The following LRP5 variants were observed in gnomAD, a reference collection of about 807,000 sequenced individuals.
LRP5 encodes the protein low-density lipoprotein receptor-related protein 5.
A neutral mutation model predicts 154.1 loss-of-function variants in LRP5; 62 were observed. That is an observed-to-expected ratio of 0.40 (90% CI 0.33 to 0.50). The LOEUF (loss-of-function observed/expected upper bound fraction) is 0.50, where lower values mean the gene tolerates loss of function less well. Among genes scored for constraint, LRP5 ranks in the 20% least tolerant of loss-of-function variants. The pLI is 0.55. For synonymous variants in LRP5, 966 were observed against 1,011.5 expected, an observed-to-expected ratio of 0.96 and a Z score of 0.85; for missense variants, 1,915 against 2,336.7, an observed-to-expected ratio of 0.82 and a Z score of 3.72.
In LRP5 at chr11:68,444,443, G is replaced by A. The variant is rs575971779; in HGVS notation, c.4489-1993G>A. Among the ~76,000 whole-genome samples the A allele has an allele frequency of 2.4e-4, 36 of 152,226 alleles. No individual in the cohort carries two copies. The South Asian group carries it at 6.8e-3, about 29-fold the overall frequency. On this transcript the variant is annotated intron_variant, in intron 21 of 22. Transcript: ENST00000294304. ...GAGGCTGGAGAATCACTTGAACCTG[G>A]GAGGCAGAGGTTGTAGTGAGCCGAG...
chr11:68,369,599 C>G (rs1371392855), intron 5 of LRP5, among the ~76,000 whole-genome samples: 2 of 152,048 alleles, frequency 1.3e-5, no homozygotes, highest in Non-Finnish European at 2.9e-5. Flanking sequence ...ATGGTGAAAC[C>G]CTGTCTCTAC....
chr11:68,435,700 T>C (rs12806243), intron 18 of LRP5, among the ~76,000 whole-genome samples: 22 of 152,282 alleles, frequency 1.4e-4, no homozygotes, highest in Non-Finnish European at 7.4e-5. Flanking sequence ...TATGCTATGC[T>C]ATGCCATGCC....
intron 5 of LRP5, among the ~76,000 whole-genome samples, chr11:68,372,332 G>A (rs113763456): frequency 0.026 from 3,309 of 128,702 alleles, 116 homozygotes; most frequent in African/African-American, 0.083. Context: ...AGGCAGACCC[G>A]GGACTGTGGT....
intron 1 of LRP5, among the ~76,000 whole-genome samples, chr11:68,330,811 G>A (rs1007197619): frequency 6.6e-6 from 1 of 152,236 alleles, no homozygotes; most frequent in Non-Finnish European, 1.5e-5. Flanking sequence ...ACCCTGATGC[G>A]CATTAGCCTT....
chr11:68,413,624 G>A lies in LRP5; in HGVS notation c.2504-65G>A. The A allele has an allele frequency of 1.4e-6, 2 of 1,459,888 alleles. No individual in the cohort carries two copies. The highest frequency in any genetic ancestry group is 1.9e-6 in the Non-Finnish European group (2 of 1,042,370). 90.4% of individuals were successfully genotyped at this position (1,459,888 alleles called of 1,614,324 possible). A position where few individuals can be genotyped will look rare whatever the true frequency, so the allele number is the denominator to read the frequency against. On this transcript the variant is annotated intron_variant, in intron 11 of 22. Coordinates refer to ENST00000294304, the MANE Select transcript of LRP5 (RefSeq NM_002335.4). The surrounding 1 kb of genome is among the most constrained non-coding windows in gnomAD (Gnocchi z 5.1). ...GGTTGAACCCTGGCTCACCCCGCAG[G>A]GCGCCGTGTGCTCTGTGGCCTGGCT...
At position 68,412,487 on chromosome 11, in the gene LRP5, T is replaced by G. The variant is rs567095563; in HGVS notation, c.2503+867T>G. On this transcript the variant is annotated intron_variant, in intron 11 of 22. Coordinates refer to ENST00000294304, the MANE Select transcript of LRP5 (RefSeq NM_002335.4). ...GAGACGCCATCTCTACAAAAAAATT[T>G]TTTAAAAATTAGCTGGGCATGGTGG... is the stretch of plus-strand genomic sequence containing the variant. 2.0e-5 allele frequency among the ~76,000 whole-genome samples: 3 copies of G among 152,030 alleles called. No individual in the cohort carries two copies. In the East Asian group the frequency reaches 5.8e-4, roughly 29 times the overall value.
chr11:68,347,171 C>A (rs1020848378), intron 1 of LRP5, among the ~76,000 whole-genome samples: 3 of 152,156 alleles, frequency 2.0e-5, no homozygotes, highest in African/African-American at 4.8e-5. Flanking sequence ...GGCACTGGCA[C>A]AGGGAGCTGT....
chr11:68,299,417 A>G, the LRP5 span, among the ~76,000 whole-genome samples: 1 of 152,078 alleles, frequency 6.6e-6, no homozygotes, highest in Non-Finnish European at 1.5e-5. Context: ...GAATGGCCTT[A>G]GCAGGAGGTG....
In LRP5 at chr11:68,436,553, A is replaced by AC. The variant is rs58286192; in HGVS notation, c.4001-329dup. ...GTGGCCATTCCTGTCCTTGGCACCC[A>AC]CCCCCCCACCAACCTGGTAGAGCCT... is the stretch of plus-strand genomic sequence containing the variant. On this transcript the variant is annotated intron_variant, in intron 18 of 22. Transcript: ENST00000294304. Among the ~76,000 whole-genome samples, 16,346 of 148,242 alleles carry AC rather than the reference A, an allele frequency of 0.11. 1,122 individuals carry two copies. Among genetic ancestry groups the AC allele is most frequent in the African/African-American group, 0.19 (7,480 of 40,278 alleles).
rs1025502397 is a variant in LRP5 at position 68,416,200 on chromosome 11, G to A, written c.2828-128G>A. 34 of 780,356 alleles carry A rather than the reference G, an allele frequency of 4.4e-5. No individual in the cohort carries two copies. The East Asian group carries it at 5.0e-4, about 11-fold the overall frequency. The allele number at this position is 780,356 out of a possible 1,614,324, so 48.3% of individuals were successfully genotyped here. On this transcript the variant is annotated intron_variant, in intron 12 of 22. Coordinates refer to ENST00000294304, the MANE Select transcript of LRP5 (RefSeq NM_002335.4). ...CCCAAGAGACAGCCCTGGTCCCCCC[G>A]TCTTTCCCGTGGACCTCCAGCGGGG...
chr11:68,413,652 G>A lies in LRP5; in HGVS notation c.2504-37G>A, dbSNP rs1251519837. On this transcript the variant is annotated intron_variant, in intron 11 of 22. Coordinates refer to ENST00000294304, the MANE Select transcript of LRP5 (RefSeq NM_002335.4). This position sits in a 1 kb window ranked among gnomAD's most constrained non-coding sequence, Gnocchi z 5.1. Reference sequence around the variant, plus strand: ...GCCGTGTGCTCTGTGGCCTGGCTGTGCCTTTGCTGACACCGTGCCCGTGTG... The same window carrying A: ...GCCGTGTGCTCTGTGGCCTGGCTGTACCTTTGCTGACACCGTGCCCGTGTG... 6.3e-7 allele frequency: 1 copy of A among 1,597,300 alleles called. No homozygotes were observed. The highest frequency in any genetic ancestry group is 8.6e-7 in the Non-Finnish European group (1 of 1,165,826).
chr11:68,371,983 C>A (rs145611351), intron 5 of LRP5, among the ~76,000 whole-genome samples: 2 of 152,218 alleles, frequency 1.3e-5, no homozygotes, highest in African/African-American at 4.8e-5. Context: ...GTCCAGTGTC[C>A]GGGGGTGAAG....
intron 21 of LRP5, among the ~76,000 whole-genome samples, chr11:68,442,388 C>T (rs2098678664): frequency 6.6e-6 from 1 of 152,154 alleles, no homozygotes; most frequent in Admixed American, 6.5e-5. Context: ...GATTCTCCTG[C>T]CTCAGTCCCC....
At position 68,447,572 on chromosome 11, in the gene LRP5, G is replaced by A. The variant is rs1565125976; in HGVS notation, c.4586+1039G>A. On this transcript the variant is annotated intron_variant, in intron 22 of 22. Transcript: ENST00000294304. This position sits in a 1 kb window ranked among gnomAD's most constrained non-coding sequence, Gnocchi z 4.3. Reference sequence around the variant, plus strand: ...CTCCAGAATGGTCACATCCACACTGGGCAGCCCAGTCTCGCTAGTTCCTCG... The same window carrying A: ...CTCCAGAATGGTCACATCCACACTGAGCAGCCCAGTCTCGCTAGTTCCTCG... Among the ~76,000 whole-genome samples the A allele has an allele frequency of 1.3e-5, 2 of 152,132 alleles. No individual in the cohort carries two copies. The highest frequency in any genetic ancestry group is 6.6e-5 in the Admixed American group (1 of 15,266).
At chr11:68,334,075 A>G (rs1284970859) in intron 1 of LRP5, among the ~76,000 whole-genome samples, 1 of 152,136 alleles carries the variant, frequency 6.6e-6, no homozygotes, top group East Asian at 1.9e-4. Flanking sequence ...CTCTACTAAA[A>G]ATACAAAAAT....
chr11:68,364,276 C>CTGTG (rs1321651507), intron 4 of LRP5, among the ~76,000 whole-genome samples: 1 of 149,296 alleles, frequency 6.7e-6, no homozygotes, highest in African/African-American at 2.5e-5. Flanking sequence ...AAGAAGTTGT[C>CTGTG]TGTGTGTGTG....
chr11:68,437,036 GC>G (rs1400980664), intron 19 of LRP5, 37 bp downstream of exon 19: 2 of 1,572,754 alleles, frequency 1.3e-6, no homozygotes, highest in Admixed American at 3.3e-5. Flanking sequence ...GGGCGTCCGG[GC>G]TGGGTTCCCC....
chr11:68,403,731 G>C (rs1446980590), intron 8 of LRP5, 32 bp downstream of exon 8: 1 of 1,611,582 alleles, frequency 6.2e-7, no homozygotes, highest in Non-Finnish European at 8.5e-7. Flanking sequence ...CCATGGCTCA[G>C]CCATGCAGAC....
intron 1 of LRP5, among the ~76,000 whole-genome samples, chr11:68,345,879 A>G (rs538145272): frequency 6.6e-6 from 1 of 152,214 alleles, no homozygotes; most frequent in African/African-American, 2.4e-5. Flanking sequence ...GCAAGATGGT[A>G]TCTTATTGTA....
Sources: gnomAD v4.1 joint callset for allele counts (sites outside exome capture counted in the v4.1 genomes callset) on GRCh38, gnomAD v4.1.1 for gene constraint, Gnocchi (gnomAD v3.1) non-coding constraint, MANE v1.5 for transcripts, NCBI Gene and HGNC (gene_info 2026-07-23, HGNC 2026-07-21) for gene names.